The following TRMU variants were observed in gnomAD, a reference collection of about 807,000 sequenced individuals.
The protein encoded by TRMU is mitochondrial tRNA-specific 2-thiouridylase 1.
TRMU carries 49 observed loss-of-function variants against 46.9 expected under a neutral mutation model. The ratio of observed to expected loss-of-function variants is 1.05; its 90% CI spans 0.83 to 1.33. The LOEUF (loss-of-function observed/expected upper bound fraction) is 1.33, where lower values mean the gene tolerates loss of function less well. TRMU is among the 40% of genes most tolerant of loss of function. The pLI is 0.00. For synonymous variants in TRMU, 241 were observed against 200.9 expected, an observed-to-expected ratio of 1.20 and a Z score of -1.69; for missense variants, 572 against 532.4, an observed-to-expected ratio of 1.07 and a Z score of -0.73.
chr22:46,352,183 TG>T lies in TRMU; in HGVS notation c.705+10del, dbSNP rs1569081805. The T allele has an allele frequency of 3.1e-6, 5 of 1,614,068 alleles. No homozygotes were observed. In the Admixed American group the frequency reaches 8.3e-5, roughly 27 times the overall value. ...AACATTTCCTTCTTCAGGTGCGTGC[TG>T]CTCTTTGACACAAAGAGATGGGGCT... On this transcript the variant is annotated intron_variant, in intron 6 of 10. Transcript: ENST00000645190.
rs1219260191 is a variant in TRMU, at chr22:46,352,414, G to A, written c.772+84G>A. The A allele has an allele frequency of 2.0e-6, 3 of 1,512,070 alleles. No individual in the cohort carries two copies. The African/African-American group carries it at 4.1e-5, about 21-fold the overall frequency. 93.7% of individuals were successfully genotyped at this position (1,512,070 alleles called of 1,614,324 possible). ...TCTGGGAGACTAGACCAGAGTTCCT[G>A]TCGTCCCTTCCACTTGGCTGGAGAA... On this transcript the variant is annotated intron_variant, in intron 7 of 10. Transcript: ENST00000645190.
At chr22:46,346,673 G>A (rs759793367) in intron 4 of TRMU, 129 bp downstream of exon 4, 162 of 1,169,472 alleles carry the variant, frequency 1.4e-4, no homozygotes, top group Non-Finnish European at 1.9e-4. Flanking sequence ...GCTTGTATGG[G>A]ATTCACATTT....
At chr22:46,356,743 T>C in intron 10 of TRMU, 99 bp from the exon 11 acceptor site, 3 of 1,438,204 alleles carry the variant, frequency 2.1e-6, no homozygotes, top group Non-Finnish European at 2.9e-6. Flanking sequence ...TGCCTGGTGC[T>C]CCGAGCACAG....
chr22:46,345,913 G>A (rs1011535977), intron 3 of TRMU, among the ~76,000 whole-genome samples: 4 of 152,084 alleles, frequency 2.6e-5, no homozygotes. Context: ...GACTACAGGT[G>A]TGCCCCACCA....
chr22:46,337,152 A>C (rs1396720117), intron 1 of TRMU, among the ~76,000 whole-genome samples: 1 of 152,202 alleles, frequency 6.6e-6, no homozygotes, highest in Admixed American at 6.5e-5. Flanking sequence ...AGCCTTCTTC[A>C]GCAGTCATTT....
chr22:46,352,358 T>C (rs1277307643), intron 7 of TRMU, 28 bp downstream of exon 7: 3 of 1,612,566 alleles, frequency 1.9e-6, no homozygotes, highest in African/African-American at 1.3e-5. Context: ...CCACTTGTCA[T>C]CTGAAATGCC....
intron 4 of TRMU, among the ~76,000 whole-genome samples, chr22:46,346,924 C>T (rs1281014663): frequency 4.6e-5 from 7 of 152,382 alleles, no homozygotes; most frequent in Non-Finnish European, 8.8e-5. Flanking sequence ...TTCTCAAGGG[C>T]GTGCGGTTCA....
In TRMU at chr22:46,339,969, G is replaced by C. The variant is rs921509716; in HGVS notation, c.248+2025G>C. Among the ~76,000 whole-genome samples, 2 of 151,936 alleles carry C rather than the reference G, an allele frequency of 1.3e-5. No homozygotes were observed. Among genetic ancestry groups the C allele is most frequent in the Non-Finnish European group, 2.9e-5 (2 of 67,992 alleles). ...AAAAAGAGTGTGGCGGCCAAATACAGGATAAATCTGGGGGAAGACCAAAGG... is the reference window on the plus strand; with the variant it reads ...AAAAAGAGTGTGGCGGCCAAATACACGATAAATCTGGGGGAAGACCAAAGG... On this transcript the variant is annotated intron_variant, in intron 2 of 10. Transcript: ENST00000645190. The surrounding 1 kb of genome is among the most constrained non-coding windows in gnomAD (Gnocchi z 4.8).
intron 3 of TRMU, among the ~76,000 whole-genome samples, 166 bp from the exon 4 acceptor site, chr22:46,346,256 G>A (rs947540202): frequency 1.3e-5 from 2 of 152,228 alleles, no homozygotes; most frequent in African/African-American, 4.8e-5. Context: ...AATTGGATGT[G>A]TGCGTCTGTT....
intron 8 of TRMU, chr22:46,354,175 GGA>G (rs1194778475): frequency 2.7e-6 from 1 of 364,108 alleles, no homozygotes; most frequent in East Asian, 6.7e-5. Flanking sequence ...CTCATCCGGT[GGA>G]GAGGGCATGG....
Position 46,340,311 on chromosome 22 carries a change from G to C in TRMU, c.248+2367G>C, listed in dbSNP as rs553975264. Reference sequence around the variant, plus strand: ...AGTCAGCAGTAGTTTCAAGATCAAGGCTGGGTGGCTGGGGAAAGCTGGTTT... The same window carrying C: ...AGTCAGCAGTAGTTTCAAGATCAAGCCTGGGTGGCTGGGGAAAGCTGGTTT... On this transcript the variant is annotated intron_variant, in intron 2 of 10. Coordinates refer to ENST00000645190, the MANE Select transcript of TRMU (RefSeq NM_018006.5). 7.2e-5 allele frequency among the ~76,000 whole-genome samples: 11 copies of C among 152,318 alleles called. 1 individual carries two copies. In the East Asian group the frequency reaches 2.1e-3, roughly 29 times the overall value.
At chr22:46,355,811 GC>G in intron 9 of TRMU, 178 bp from the exon 10 acceptor site, 1 of 1,006,024 alleles carries the variant, frequency 9.9e-7, no homozygotes, top group South Asian at 1.4e-5. Context: ...TTGGGCTGAA[GC>G]AAGTGTGTAC....
Position 46,337,775 on chromosome 22 carries a change from G to T in TRMU, c.83-4G>T. 2 of 1,614,168 alleles carry T rather than the reference G, an allele frequency of 1.2e-6. No individual in the cohort carries two copies. Among genetic ancestry groups the T allele is most frequent in the Middle Eastern group, 1.7e-4 (1 of 6,060 alleles). ...TTCTCTTTAATTGACCTTCCCGCCCGCAGGTTACCAGGTGACAGGGGTGTT... is the reference window on the plus strand; with the variant it reads ...TTCTCTTTAATTGACCTTCCCGCCCTCAGGTTACCAGGTGACAGGGGTGTT... On this transcript the variant is annotated splice_polypyrimidine_tract_variant and splice_region_variant and intron_variant, in intron 1 of 10. Coordinates refer to ENST00000645190, the MANE Select transcript of TRMU (RefSeq NM_018006.5).
Position 46,337,823 on chromosome 22 carries a change from GA to G in TRMU, c.128del (p.Asp43ValfsTer22), listed in dbSNP as rs2078018160. On this transcript the variant is annotated frameshift_variant, in exon 2 of 11. Transcript: ENST00000645190. LOFTEE classifies it high-confidence loss of function. Reference protein sequence around the residue: ...GVFMKNWDSLDEHGVCTADKD... With the variant: ...GVFMKNWDSLXEHGVCTADKD... ...GTTTATGAAGAACTGGGACTCACTG[GA>G]TGAACATGGGGTCTGTACTGCCGAC... 6.2e-7 allele frequency: 1 copy of G among 1,614,132 alleles called. No homozygotes were observed. The highest frequency in any genetic ancestry group is 1.1e-5 in the South Asian group (1 of 91,094).
intron 3 of TRMU, among the ~76,000 whole-genome samples, chr22:46,344,607 A>C (rs1569069044): frequency 1.3e-5 from 2 of 152,176 alleles, no homozygotes; most frequent in Non-Finnish European, 2.9e-5. Flanking sequence ...GGAGAGCATT[A>C]AGCTGTCACG....
intron 3 of TRMU, 116 bp from the exon 4 acceptor site, chr22:46,346,306 A>G: frequency 7.7e-7 from 1 of 1,306,644 alleles, no homozygotes; most frequent in South Asian, 1.4e-5. Flanking sequence ...TGGATTGTGC[A>G]GCCCCTCAGC....
rs757628640 is a variant in TRMU, at chr22:46,346,561, A to G, written c.478+17A>G. 2.9e-5 allele frequency: 47 copies of G among 1,606,472 alleles called. No homozygotes were observed. The South Asian group carries it at 4.2e-4, about 14-fold the overall frequency. On this transcript the variant is annotated intron_variant, in intron 4 of 10. Coordinates refer to ENST00000645190, the MANE Select transcript of TRMU (RefSeq NM_018006.5). ...TTAGAAATGGTAAGTTCATGTGCCCAGGTCAGAGCCAAATTCTTGTGAACA... is the reference window on the plus strand; with the variant it reads ...TTAGAAATGGTAAGTTCATGTGCCCGGGTCAGAGCCAAATTCTTGTGAACA...
chr22:46,356,632 C>T (rs536410839), intron 10 of TRMU: 6 of 601,012 alleles, frequency 1.0e-5, no homozygotes, highest in African/African-American at 9.3e-5. Context: ...GGAGAGGTAC[C>T]CTGAAGACCC....
chr22:46,352,344 T>G lies in TRMU; in HGVS notation c.772+14T>G. Reference sequence around the variant, plus strand: ...GAACACATAAAGGTGAGGTGCAGACTCTGCCACTTGTCATCTGAAATGCCT... The same window carrying G: ...GAACACATAAAGGTGAGGTGCAGACGCTGCCACTTGTCATCTGAAATGCCT... On this transcript the variant is annotated intron_variant, in intron 7 of 10. Transcript: ENST00000645190. The G allele has an allele frequency of 6.2e-7, 1 of 1,613,882 alleles. No homozygotes were observed. The highest frequency in any genetic ancestry group is 8.5e-7 in the Non-Finnish European group (1 of 1,179,926).
Sources: gnomAD v4.1 joint callset for allele counts (sites outside exome capture counted in the v4.1 genomes callset) on GRCh38, gnomAD v4.1.1 for gene constraint, Gnocchi (gnomAD v3.1) non-coding constraint, MANE v1.5 for transcripts, NCBI Gene and HGNC (gene_info 2026-07-23, HGNC 2026-07-21) for gene names.